MYT1L: variants seen among roughly 807,000 people sequenced by gnomAD.
MYT1L encodes myelin transcription factor 1-like protein.
Under a neutral mutation model 126.7 loss-of-function variants are expected in MYT1L, and 12 were observed. That is an observed-to-expected ratio of 0.09 (90% confidence interval 0.06 to 0.15). MYT1L has a LOEUF of 0.15. MYT1L is among the 10% of genes least tolerant of loss of function. MYT1L has a pLI of 1.00. For missense variants in MYT1L, 979 were observed against 1,585.2 expected (o/e 0.62, Z 6.49); for synonymous variants, 541 against 604.2 (o/e 0.90, Z 1.53).
At chr2:1,845,960 C>T (rs770193655) in intron 19 of MYT1L, among the ~76,000 whole-genome samples, 2 of 152,194 alleles carry the variant, frequency 1.3e-5, no homozygotes, top group Non-Finnish European at 2.9e-5. Flanking sequence ...AGTGGCTCAG[C>T]GTCGCCTCCT....
rs577209636 is a variant in MYT1L at position 2,172,014 on chromosome 2, T to C, written c.-304+858A>G. On this transcript the variant is annotated intron_variant, in intron 3 of 24. Transcript: ENST00000647738. ...TACCAGAATTTTCTTCTGCTATTCATCAGAGTAACATATATAAAAGTACTT... is the reference window on the plus strand; with the variant it reads ...TACCAGAATTTTCTTCTGCTATTCACCAGAGTAACATATATAAAAGTACTT... 1.8e-4 allele frequency among the ~76,000 whole-genome samples: 27 copies of C among 152,316 alleles called. No homozygotes were observed. The South Asian group carries it at 5.4e-3, about 30-fold the overall frequency.
chr2:1,825,262 AC>A (rs1425237578), intron 21 of MYT1L: 2 of 152,184 alleles, frequency 1.3e-5, no homozygotes, highest in African/African-American at 2.4e-5. Context: ...AGGAGCTGCC[AC>A]CTGCCCCAAA....
At chr2:2,105,585 T>G (rs1296093179) in intron 3 of MYT1L, among the ~76,000 whole-genome samples, 4 of 152,334 alleles carry the variant, frequency 2.6e-5, no homozygotes, top group Non-Finnish European at 5.9e-5. Context: ...AATGGATGTG[T>G]ATCAGTGGGG....
intron 2 of MYT1L, among the ~76,000 whole-genome samples, chr2:2,280,465 A>G (rs1038721148): frequency 6.6e-6 from 1 of 152,224 alleles, no homozygotes; most frequent in East Asian, 1.9e-4. Context: ...CCCATTCCAT[A>G]TAAGACAGAA....
intron 3 of MYT1L, among the ~76,000 whole-genome samples, chr2:2,082,220 C>T (rs1287705312): frequency 2.6e-5 from 4 of 152,124 alleles, no homozygotes; most frequent in African/African-American, 9.7e-5. Context: ...ATGGAAACAC[C>T]TGGGGCAGTT....
chr2:1,926,046 G>A (rs1421913458), intron 9 of MYT1L, among the ~76,000 whole-genome samples: 2 of 152,200 alleles, frequency 1.3e-5, no homozygotes, highest in Non-Finnish European at 2.9e-5. Context: ...TGGCATCTGA[G>A]CACAGAGCCT....
At chr2:1,824,069 C>A (rs1211265395) in intron 21 of MYT1L, among the ~76,000 whole-genome samples, 1 of 152,146 alleles carries the variant, frequency 6.6e-6, no homozygotes, top group Non-Finnish European at 1.5e-5. Context: ...ACGTGCCAAG[C>A]CCTCTCCATG....
intron 23 of MYT1L, among the ~76,000 whole-genome samples, chr2:1,797,421 C>G (rs184869095): frequency 6.6e-6 from 1 of 152,296 alleles, no homozygotes; most frequent in South Asian, 2.1e-4. Context: ...GGGGTTTCAC[C>G]GTGTTAGCCA....
chr2:2,161,130 T>C (rs1471632261), intron 3 of MYT1L, among the ~76,000 whole-genome samples: 2 of 152,216 alleles, frequency 1.3e-5, no homozygotes, highest in African/African-American at 2.4e-5. Flanking sequence ...TGAGAATTGC[T>C]TGAACCCGGG....
At chr2:1,902,958 G>C in intron 14 of MYT1L, 122 bp downstream of exon 14, 1 of 901,992 alleles carries the variant, frequency 1.1e-6, no homozygotes, top group Non-Finnish European at 1.7e-6. Context: ...TGAAAGTCCT[G>C]TTCTTTTGGT....
In MYT1L at chr2:2,165,485, C is replaced by G. The variant is rs181851992; in HGVS notation, c.-304+7387G>C. ...AAGAAAACACATTCTCTCACATCAC[C>G]AATGCGTAATTTCAACAGAAAAGGA... On this transcript the variant is annotated intron_variant, in intron 3 of 24. Coordinates refer to ENST00000647738, the MANE Select transcript of MYT1L (RefSeq NM_001303052.2). 3.3e-5 allele frequency among the ~76,000 whole-genome samples: 5 copies of G among 152,208 alleles called. No homozygotes were observed. The East Asian group carries it at 9.7e-4, about 29-fold the overall frequency.
intron 2 of MYT1L, among the ~76,000 whole-genome samples, chr2:2,191,393 T>C (rs1449743511): frequency 1.3e-5 from 2 of 152,182 alleles, no homozygotes; most frequent in African/African-American, 2.4e-5. Flanking sequence ...GTCAGAACCA[T>C]ATCCATTATG....
At chr2:1,969,207 C>T (rs1031486241) in intron 8 of MYT1L, among the ~76,000 whole-genome samples, 3 of 152,088 alleles carry the variant, frequency 2.0e-5, no homozygotes, top group Admixed American at 6.5e-5. Context: ...TGATGCTGGG[C>T]CCCGGCGGGG....
At chr2:2,009,918 T>TTTTTTC (rs552518279) in intron 4 of MYT1L, among the ~76,000 whole-genome samples, 7 of 148,592 alleles carry the variant, frequency 4.7e-5, no homozygotes, top group African/African-American at 1.7e-4. Context: ...TTTTTTTTTT[T>TTTTTTC]CATGAAAGGG....
intron 2 of MYT1L, among the ~76,000 whole-genome samples, chr2:2,255,743 C>T (rs1177659982): frequency 6.6e-6 from 1 of 152,162 alleles, no homozygotes; most frequent in African/African-American, 2.4e-5. Flanking sequence ...TCATCACACC[C>T]ATGACCATAT....
chr2:1,923,365 C>T, intron 9 of MYT1L, 102 bp from the exon 10 acceptor site: 3 of 963,164 alleles, frequency 3.1e-6, no homozygotes, highest in South Asian at 3.5e-5. Context: ...AACTGCAAGT[C>T]AAACCGTCTA....
At chr2:2,211,666 G>A (rs527301114) in intron 2 of MYT1L, among the ~76,000 whole-genome samples, 183 of 151,942 alleles carry the variant, frequency 1.2e-3, no homozygotes, top group African/African-American at 4.1e-3. Context: ...TTAGCTGGGC[G>A]TGGTGGCGGG....
intron 5 of MYT1L, among the ~76,000 whole-genome samples, chr2:1,990,307 A>G (rs1441888852): frequency 6.6e-6 from 1 of 152,208 alleles, no homozygotes; most frequent in Non-Finnish European, 1.5e-5. Context: ...ACTCACACAT[A>G]GCTACACAGC....
At chr2:2,157,641 C>A (rs1009769632) in intron 3 of MYT1L, among the ~76,000 whole-genome samples, 2 of 152,208 alleles carry the variant, frequency 1.3e-5, no homozygotes, top group African/African-American at 4.8e-5. Flanking sequence ...GGAGATGAAA[C>A]ATTGAGACAC....
Sources: allele counts gnomAD v4.1 joint callset (sites outside exome capture counted in the v4.1 genomes callset), GRCh38; gene constraint gnomAD v4.1.1; transcripts MANE v1.5; gene names NCBI Gene and HGNC (gene_info 2026-07-23, HGNC 2026-07-21).